LRBA: variants seen among roughly 807,000 people sequenced by gnomAD.
LRBA encodes lipopolysaccharide-responsive and beige-like anchor protein.
A neutral mutation model predicts 330.0 loss-of-function variants in LRBA; 176 were observed. The observed-to-expected ratio is 0.53, with a 90% CI of 0.47 to 0.60. The LOEUF is 0.60. Among genes scored for constraint, LRBA ranks in the 20% least tolerant of loss-of-function variants. The pLI is 0.00. For synonymous variants in LRBA, 1,230 were observed against 1,193.0 expected (o/e 1.03, Z -0.64); for missense variants, 3,259 against 3,444.8 (o/e 0.95, Z 1.35).
At chr4:150,278,543 A>AGTT (rs1196342044) in intron 55 of LRBA, among the ~76,000 whole-genome samples, 2 of 152,124 alleles carry the variant, frequency 1.3e-5, no homozygotes, top group African/African-American at 4.8e-5. Flanking sequence ...ATTAAATCTC[A>AGTT]GTTCAGCATT....
intron 40 of LRBA, among the ~76,000 whole-genome samples, chr4:150,492,318 T>C (rs1759063233): frequency 6.6e-6 from 1 of 151,886 alleles, no homozygotes; most frequent in Non-Finnish European, 1.5e-5. Flanking sequence ...TTCTTGAAAA[T>C]ACAAAACAAA....
chr4:150,679,998 T>C (rs1471451322), intron 37 of LRBA, among the ~76,000 whole-genome samples: 2 of 152,170 alleles, frequency 1.3e-5, no homozygotes, highest in Non-Finnish European at 2.9e-5. Context: ...CTCATCCTTC[T>C]TACATTCAGC....
chr4:150,476,976 TACTGGCTG>T (rs1756785839), intron 42 of LRBA, among the ~76,000 whole-genome samples: 1 of 152,208 alleles, frequency 6.6e-6, no homozygotes, highest in Non-Finnish European at 1.5e-5. Flanking sequence ...TCTCACGTCC[TACTGGCTG>T]ACAAGTCAGA....
At chr4:150,874,193 T>C (rs1485041551) in intron 17 of LRBA, among the ~76,000 whole-genome samples, 2 of 152,158 alleles carry the variant, frequency 1.3e-5, no homozygotes, top group Admixed American at 6.6e-5. Context: ...AAAAATCAAC[T>C]GTGAGCTTTA....
intron 47 of LRBA, among the ~76,000 whole-genome samples, chr4:150,387,649 T>C (rs1295696233): frequency 2.0e-5 from 3 of 152,092 alleles, no homozygotes; most frequent in African/African-American, 7.2e-5. Context: ...TTGTGCAATG[T>C]ATATAACAAA....
At chr4:150,991,586 T>C (rs541814122) in intron 2 of LRBA, among the ~76,000 whole-genome samples, 2 of 152,358 alleles carry the variant, frequency 1.3e-5, no homozygotes, top group African/African-American at 4.8e-5. Context: ...CATGATTCCA[T>C]TTTTATTCAA....
chr4:150,961,691 A>C (rs1241791201), intron 2 of LRBA, among the ~76,000 whole-genome samples: 2 of 145,814 alleles, frequency 1.4e-5, no homozygotes, highest in Non-Finnish European at 3.0e-5. Context: ...CAACAATGGG[A>C]AGCTAGCTCC....
intron 40 of LRBA, among the ~76,000 whole-genome samples, chr4:150,559,895 T>A (rs1457970699): frequency 2.5e-3 from 109 of 43,390 alleles, no homozygotes; most frequent in Non-Finnish European, 3.1e-3. Context: ...TTATATATAA[T>A]TATATATAAT....
chr4:150,410,244 A>C (rs779452662), intron 47 of LRBA, among the ~76,000 whole-genome samples: 2 of 152,066 alleles, frequency 1.3e-5, no homozygotes, highest in Non-Finnish European at 2.9e-5. Context: ...TACAAGATTG[A>C]CCTAATTCAT....
chr4:150,765,687 A>G (rs1374002147), intron 34 of LRBA, among the ~76,000 whole-genome samples: 1 of 152,160 alleles, frequency 6.6e-6, no homozygotes, highest in Non-Finnish European at 1.5e-5. Context: ...TACATAATTC[A>G]GACAAAATGC....
intron 37 of LRBA, among the ~76,000 whole-genome samples, chr4:150,614,909 C>G (rs1775619240): frequency 2.0e-5 from 3 of 152,184 alleles, no homozygotes; most frequent in Non-Finnish European, 4.4e-5. Context: ...CTGGCCATAT[C>G]TGTGACAGAT....
At chr4:150,844,228 AT>A (rs758406842) in intron 27 of LRBA, 21 bp from the exon 28 acceptor site, 1 of 1,165,658 alleles carries the variant, frequency 8.6e-7, no homozygotes, top group Non-Finnish European at 1.3e-6. Flanking sequence ...TTAAAAAAAA[AT>A]TGTATATATA....
chr4:150,999,017 CCTTTAAATCCATCA>C (rs1485156026), intron 2 of LRBA, among the ~76,000 whole-genome samples: 1 of 152,110 alleles, frequency 6.6e-6, no homozygotes, highest in Admixed American at 6.5e-5. Flanking sequence ...ATGAATATAA[CCTTTAAATCCATCA>C]CTTTACAAAT....
At chr4:150,752,883 A>T (rs969821784) in intron 35 of LRBA, among the ~76,000 whole-genome samples, 2 of 152,170 alleles carry the variant, frequency 1.3e-5, no homozygotes, top group Non-Finnish European at 2.9e-5. Flanking sequence ...GAAATAATCT[A>T]TTCTCTAGAA....
At chr4:150,711,210 C>T (rs1786167149) in intron 36 of LRBA, among the ~76,000 whole-genome samples, 1 of 151,080 alleles carries the variant, frequency 6.6e-6, no homozygotes, top group Admixed American at 6.6e-5. Flanking sequence ...AACATAGTGA[C>T]ACAAAGAAGT....
intron 44 of LRBA, among the ~76,000 whole-genome samples, chr4:150,464,878 T>G (rs1202746812): frequency 6.6e-6 from 1 of 152,090 alleles, no homozygotes; most frequent in Non-Finnish European, 1.5e-5. Context: ...ACTTTTTTTT[T>G]CTTGCTGGTT....
At chr4:150,901,670 G>C (rs927322612) in intron 13 of LRBA, among the ~76,000 whole-genome samples, 2 of 152,232 alleles carry the variant, frequency 1.3e-5, no homozygotes, top group African/African-American at 4.8e-5. Context: ...AAATGAATTA[G>C]AGTGTCAGTG....
intron 40 of LRBA, among the ~76,000 whole-genome samples, chr4:150,561,312 T>TA (rs1439207184): frequency 6.6e-6 from 1 of 152,148 alleles, no homozygotes; most frequent in African/African-American, 2.4e-5. Flanking sequence ...TATAGTGTGG[T>TA]ATGCAGAATG....
chr4:150,480,554 T>C (rs907416625), intron 42 of LRBA, among the ~76,000 whole-genome samples: 4 of 152,120 alleles, frequency 2.6e-5, no homozygotes, highest in African/African-American at 9.6e-5. Flanking sequence ...CTATAGCACA[T>C]ACTAAAATGA....
Sources: allele counts gnomAD v4.1 joint callset (sites outside exome capture counted in the v4.1 genomes callset), GRCh38; gene constraint gnomAD v4.1.1; transcripts MANE v1.5; gene names NCBI Gene and HGNC (gene_info 2026-07-23, HGNC 2026-07-21).